Variants in CLCN5 observed in about 807,000 individuals in gnomAD.
CLCN5 encodes H(+)/Cl(-) exchange transporter 5.
Under a neutral mutation model 54.0 loss-of-function variants are expected in CLCN5, and 17 were observed. The ratio of observed to expected loss-of-function variants is 0.31; its 90% CI spans 0.22 to 0.47. CLCN5 has a LOEUF of 0.47. Ranked by LOEUF, CLCN5 falls within the 20% of genes least tolerant of loss-of-function variation. The pLI is 1.00. For synonymous variants in CLCN5, 222 were observed against 233.0 expected (o/e 0.95, Z 0.43); for missense variants, 448 against 646.7 (o/e 0.69, Z 3.33).
intron 3 of CLCN5, among the ~76,000 whole-genome samples, chrX:49,931,100 A>G (rs926256848): frequency 1.8e-5 from 2 of 111,629 alleles, no homozygotes; most frequent in African/African-American, 6.5e-5. Context: ...GACAGAGAAC[A>G]GTATTTTTGA....
intron 3 of CLCN5, among the ~76,000 whole-genome samples, chrX:49,971,672 G>A (rs1928219212): frequency 9.0e-6 from 1 of 111,669 alleles, no homozygotes; most frequent in Non-Finnish European, 1.9e-5. Context: ...TTAGCGGGAG[G>A]AGCTCCCATT....
At chrX:49,926,889 AAGC>A (rs1557168088) in intron 3 of CLCN5, among the ~76,000 whole-genome samples, 1 of 104,359 alleles carries the variant, frequency 9.6e-6, no homozygotes, top group Non-Finnish European at 1.9e-5. Context: ...GTCTGAGCAG[AAGC>A]AGGGGCAGTA....
intron 3 of CLCN5, among the ~76,000 whole-genome samples, chrX:50,038,305 C>G (rs1384899197): frequency 9.0e-6 from 1 of 111,257 alleles, no homozygotes. Flanking sequence ...TGTCAAAGTA[C>G]CTCATCATAA....
chrX:50,086,900 G>A, intron 11 of CLCN5, 30 bp downstream of exon 11: 1 of 1,178,131 alleles, frequency 8.5e-7, no homozygotes. Context: ...CTCAGTGGCT[G>A]CATGCGTAGC....
chrX:49,953,992 T>C (rs1180788492), intron 3 of CLCN5, among the ~76,000 whole-genome samples: 2 of 111,006 alleles, frequency 1.8e-5, no homozygotes, highest in African/African-American at 6.7e-5. Context: ...CAGTTCTTTA[T>C]TGGGCACTTT....
rs1934289037 is a variant in CLCN5, at chrX:50,097,207, AG to A, written c.*4989del. On this transcript the variant is annotated 3_prime_UTR_variant, in exon 15 of 15. Transcript: ENST00000376091. ...AGAATTTCTGAGAACAATGGGTGTT[AG>A]CAACTTTAAGTTACTCCCCAAACGT... The A allele has an allele frequency of 8.9e-6, 1 of 112,128 alleles. No individual in the cohort carries two copies. The highest frequency in any genetic ancestry group is 3.2e-5 in the African/African-American group (1 of 30,804). The allele number at this position is 112,128 out of a possible 1,213,427, so 9.2% of individuals were successfully genotyped here.
intron 4 of CLCN5, among the ~76,000 whole-genome samples, chrX:50,062,140 CA>C (rs1487344687): frequency 9.7e-6 from 1 of 103,609 alleles, no homozygotes; most frequent in East Asian, 3.0e-4. Context: ...ATGACAGGAT[CA>C]AATTCACACA....
intron 3 of CLCN5, among the ~76,000 whole-genome samples, chrX:50,007,473 C>CACACAG (rs1454823373): frequency 1.1e-5 from 1 of 95,116 alleles, no homozygotes; most frequent in African/African-American, 5.5e-5. Flanking sequence ...CACACACACA[C>CACACAG]AGAGAGAGTG....
chrX:49,926,663 C>A (rs782226509), intron 3 of CLCN5, among the ~76,000 whole-genome samples: 1 of 111,925 alleles, frequency 8.9e-6, no homozygotes, highest in East Asian at 2.8e-4. Flanking sequence ...TCAGATGAAG[C>A]AGGGAAGGTA....
intron 7 of CLCN5, 115 bp downstream of exon 7, chrX:50,076,097 AGG>A: frequency 2.9e-6 from 2 of 686,535 alleles, no homozygotes; most frequent in Non-Finnish European, 4.6e-6. Context: ...TTCCACAGAA[AGG>A]GGAACCAGTA....
chrX:50,080,501 A>G, intron 7 of CLCN5, 93 bp from the exon 8 acceptor site: 1 of 662,086 alleles, frequency 1.5e-6, no homozygotes, highest in Non-Finnish European at 2.2e-6. Context: ...TTTTTTTTGG[A>G]CTTTTTTTCC....
intron 3 of CLCN5, among the ~76,000 whole-genome samples, chrX:49,992,665 A>AT (rs782602686): frequency 1.8e-5 from 2 of 111,202 alleles, no homozygotes; most frequent in African/African-American, 6.5e-5. Context: ...TGTTTTCTTT[A>AT]TTTTTTCCCC....
intron 4 of CLCN5, among the ~76,000 whole-genome samples, chrX:50,051,613 A>G (rs1569539475): frequency 8.9e-6 from 1 of 112,177 alleles, no homozygotes; most frequent in Non-Finnish European, 1.9e-5. Flanking sequence ...GGAAGAATTG[A>G]AATCTCAATA....
chrX:49,995,837 C>T (rs1337794025), intron 3 of CLCN5, among the ~76,000 whole-genome samples: 1 of 111,558 alleles, frequency 9.0e-6, no homozygotes, highest in African/African-American at 3.3e-5. Flanking sequence ...GGCTTTAGAG[C>T]TGGAGGGGTT....
intron 3 of CLCN5, among the ~76,000 whole-genome samples, chrX:49,936,503 G>C (rs1557169746): frequency 8.9e-6 from 1 of 111,951 alleles, no homozygotes; most frequent in Non-Finnish European, 1.9e-5. Context: ...GTTTGGATGG[G>C]GCAAGGCTAA....
At chrX:49,923,547 T>TTCA (rs1557167541) in intron 2 of CLCN5, 65 bp downstream of exon 2, 1 of 112,413 alleles carries the variant, frequency 8.9e-6, no homozygotes, top group Non-Finnish European at 1.9e-5. Flanking sequence ...TTACATAAAC[T>TTCA]TCATACATTT....
At chrX:50,074,148 C>T (rs1438915768) in intron 6 of CLCN5, among the ~76,000 whole-genome samples, 2 of 112,032 alleles carry the variant, frequency 1.8e-5, no homozygotes, top group African/African-American at 6.5e-5. Context: ...TAAATCTATT[C>T]GGTTTGTGCA....
intron 7 of CLCN5, among the ~76,000 whole-genome samples, chrX:50,077,745 G>T (rs1933487456): frequency 1.1e-5 from 1 of 91,165 alleles, no homozygotes; most frequent in Admixed American, 1.3e-4. Context: ...GGAGGCCAAG[G>T]TGGGTGGATC....
In CLCN5 at chrX:50,081,748, G is replaced by C. The variant is rs1933710496; in HGVS notation, c.834G>C (p.Leu278=). 1 of 1,210,563 alleles carries C rather than the reference G, an allele frequency of 8.3e-7. No individual in the cohort carries two copies. The part of the protein sequence containing the change: ...LVLAVSSGLS[L]GKEGPLVHVA... ...TGGCAGTGTCATCTGGCTTGAGCCTGGGCAAAGAGGGCCCTCTAGTGCACG... is the reference window on the plus strand; with the variant it reads ...TGGCAGTGTCATCTGGCTTGAGCCTCGGCAAAGAGGGCCCTCTAGTGCACG... Residue 278 remains leucine (L), a synonymous_variant, in exon 9 of 15, where the codon CTG becomes CTC. Coordinates refer to ENST00000376091, the MANE Select transcript of CLCN5 (RefSeq NM_001127898.4).
Sources: allele counts gnomAD v4.1 joint callset (sites outside exome capture counted in the v4.1 genomes callset), GRCh38; gene constraint gnomAD v4.1.1; transcripts MANE v1.5; gene names NCBI Gene and HGNC (gene_info 2026-07-23, HGNC 2026-07-21).